The following GRIK2 variants were observed in gnomAD, a reference collection of about 807,000 sequenced individuals.
The protein encoded by GRIK2 is glutamate receptor ionotropic, kainate 2.
GRIK2 carries 32 observed loss-of-function variants against 100.3 expected under a neutral mutation model. The ratio of observed to expected loss-of-function variants is 0.32; its 90% CI spans 0.24 to 0.43. The LOEUF (loss-of-function observed/expected upper bound fraction) is 0.43, where lower values mean the gene tolerates loss of function less well. Ranked by LOEUF, GRIK2 falls within the 20% of genes least tolerant of loss-of-function variation. The probability of loss-of-function intolerance (pLI) is 1.00; values close to 1 mark genes in which losing one functional copy is unlikely to be tolerated. For missense variants in GRIK2, 843 were observed against 1,114.9 expected (o/e 0.76, Z 3.47); for synonymous variants, 417 against 389.4 (o/e 1.07, Z -0.83).
At chr6:102,009,031 A>G (rs1350173092) in intron 14 of GRIK2, among the ~76,000 whole-genome samples, 4 of 152,120 alleles carry the variant, frequency 2.6e-5, no homozygotes, top group Non-Finnish European at 4.4e-5. Context: ...TATTATTGGT[A>G]TAAGTTAATT....
chr6:101,958,492 C>G (rs1283792297), intron 14 of GRIK2, among the ~76,000 whole-genome samples: 2 of 152,008 alleles, frequency 1.3e-5, no homozygotes, highest in Non-Finnish European at 2.9e-5. Context: ...TTGACGTCCT[C>G]TTTTCCAATT....
chr6:101,749,422 T>A (rs1776641250), intron 7 of GRIK2, among the ~76,000 whole-genome samples: 1 of 152,098 alleles, frequency 6.6e-6, no homozygotes. Context: ...AGTATTATTT[T>A]TGCTAAGCAG....
intron 11 of GRIK2, among the ~76,000 whole-genome samples, chr6:101,887,287 G>T (rs1272258476): frequency 6.6e-6 from 1 of 152,116 alleles, no homozygotes; most frequent in East Asian, 1.9e-4. Context: ...AAAACATCCT[G>T]TTGTGTACGA....
chr6:101,810,410 G>T (rs529188022), intron 9 of GRIK2, among the ~76,000 whole-genome samples: 1 of 151,796 alleles, frequency 6.6e-6, no homozygotes, highest in African/African-American at 2.4e-5. Context: ...CTGATTTATT[G>T]TACTCATATT....
intron 2 of GRIK2, 48 bp downstream of exon 2, chr6:101,399,440 G>A (rs2128235283): frequency 1.1e-6 from 1 of 938,090 alleles, no homozygotes; most frequent in Non-Finnish European, 1.8e-6. Flanking sequence ...CTCCCAGGCA[G>A]CCGGATGTAA....
chr6:101,481,218 A>G (rs1303163376), intron 2 of GRIK2, among the ~76,000 whole-genome samples: 2 of 152,082 alleles, frequency 1.3e-5, no homozygotes, highest in Admixed American at 6.6e-5. Context: ...TTATTTTTGA[A>G]ACCTGTTTTT....
chr6:102,001,187 T>TA (rs1794920766), intron 14 of GRIK2, among the ~76,000 whole-genome samples: 1 of 44,762 alleles, frequency 2.2e-5, no homozygotes, highest in African/African-American at 5.1e-5. Flanking sequence ...TCTTCTTTAT[T>TA]TTTTTTTTTT....
chr6:101,832,171 A>G (rs1036639860), intron 10 of GRIK2, among the ~76,000 whole-genome samples: 2 of 152,084 alleles, frequency 1.3e-5, no homozygotes, highest in African/African-American at 2.4e-5. Flanking sequence ...TTCTTTTTAT[A>G]TAATTTCTGA....
intron 2 of GRIK2, among the ~76,000 whole-genome samples, chr6:101,621,366 T>G (rs9377286): frequency 0.031 from 4,697 of 152,012 alleles, 112 homozygotes; most frequent in Non-Finnish European, 0.047. Flanking sequence ...GGTGAGAGGA[T>G]CACCTGAGCC....
intron 2 of GRIK2, among the ~76,000 whole-genome samples, chr6:101,579,152 A>C (rs1200274237): frequency 2.0e-5 from 3 of 152,162 alleles, no homozygotes; most frequent in African/African-American, 7.2e-5. Context: ...GATCAGTATA[A>C]TATCTCTTGT....
chr6:101,487,697 C>T lies in GRIK2; in HGVS notation c.115+88305C>T, dbSNP rs968641211. Among the ~76,000 whole-genome samples, 5 of 146,468 alleles carry T rather than the reference C, an allele frequency of 3.4e-5. 1 individual carries two copies. Among genetic ancestry groups the T allele is most frequent in the African/African-American group, 1.3e-4 (5 of 38,426 alleles). On this transcript the variant is annotated intron_variant, in intron 2 of 16. Transcript: ENST00000369134. ...ATGGTAGCCCCTCTTGTTTTTATAT[C>T]AATTTTTTCACTCAACAAATATTTA...
chr6:101,583,456 A>T (rs73506660), intron 2 of GRIK2, among the ~76,000 whole-genome samples: 1 of 152,118 alleles, frequency 6.6e-6, no homozygotes, highest in African/African-American at 2.4e-5. Context: ...GTGTAGCTAC[A>T]TTATAAATCC....
intron 2 of GRIK2, among the ~76,000 whole-genome samples, chr6:101,611,066 C>A (rs1466817459): frequency 6.6e-6 from 1 of 151,666 alleles, no homozygotes; most frequent in East Asian, 1.9e-4. Context: ...TTTTGAAGTC[C>A]TCCCTTGGAT....
intron 16 of GRIK2, among the ~76,000 whole-genome samples, chr6:102,067,295 ATATTAT>A (rs1772066440): frequency 1.3e-5 from 2 of 151,698 alleles, no homozygotes; most frequent in African/African-American, 2.4e-5. Context: ...TTTCAATAAT[ATATTAT>A]TATTAACTAT....
chr6:101,915,756 T>C (rs545019447), intron 12 of GRIK2, among the ~76,000 whole-genome samples: 1 of 151,608 alleles, frequency 6.6e-6, no homozygotes, highest in East Asian at 1.9e-4. Context: ...TTGTTTATCG[T>C]AGACACATAC....
At chr6:101,834,456 T>TCAACTTAGTGGTAAGTTGATTAC (rs1245102461) in intron 10 of GRIK2, among the ~76,000 whole-genome samples, 3 of 152,118 alleles carry the variant, frequency 2.0e-5, no homozygotes, top group African/African-American at 7.2e-5. Context: ...TTGATTTTAA[T>TCAACTTAGTGGTAAGTTGATTAC]CACTTAGTGG....
rs1785944735 is a variant in GRIK2, at chr6:101,877,543, C to CAT, written c.1525-12096_1525-12095dup. 2.6e-5 allele frequency among the ~76,000 whole-genome samples: 4 copies of CAT among 151,970 alleles called. No individual in the cohort carries two copies. In the South Asian group the frequency reaches 8.3e-4, roughly 32 times the overall value. On this transcript the variant is annotated intron_variant, in intron 11 of 16. Coordinates refer to ENST00000369134, the MANE Select transcript of GRIK2 (RefSeq NM_021956.5). ...GGTATTCGACAGGGGCCCTGAAACC[C>CAT]ATTTCCCCTGGATATCAACAGATGA...
chr6:101,534,991 T>C (rs1775621820), intron 2 of GRIK2, among the ~76,000 whole-genome samples: 1 of 151,772 alleles, frequency 6.6e-6, no homozygotes, highest in African/African-American at 2.4e-5. Context: ...AGTTTGACAT[T>C]ATTTTGCTGA....
chr6:101,758,186 G>A lies in GRIK2; in HGVS notation c.952-41462G>A, dbSNP rs145929989. On this transcript the variant is annotated intron_variant, in intron 7 of 16. Coordinates refer to ENST00000369134, the MANE Select transcript of GRIK2 (RefSeq NM_021956.5). ...TGCATTGAGCCAAGATTGTACCACT[G>A]CACTCTAGCCTGGGCAACAGAATGA... Among the ~76,000 whole-genome samples, 804 of 152,236 alleles carry A rather than the reference G, an allele frequency of 5.3e-3. 5 individuals are homozygous for A. The highest frequency in any genetic ancestry group is 0.018 in the African/African-American group (759 of 41,542).
Sources: allele counts gnomAD v4.1 joint callset (sites outside exome capture counted in the v4.1 genomes callset), GRCh38; gene constraint gnomAD v4.1.1; transcripts MANE v1.5; gene names NCBI Gene and HGNC (gene_info 2026-07-23, HGNC 2026-07-21).